URM1: variants seen among roughly 807,000 people sequenced by gnomAD.
The protein encoded by URM1 is ubiquitin-related modifier 1.
In URM1, 11 loss-of-function variants were observed where a neutral mutation model predicts 17.7. The ratio of observed to expected loss-of-function variants is 0.62; its 90% CI spans 0.39 to 1.03. The LOEUF (loss-of-function observed/expected upper bound fraction) is 1.03, where lower values mean the gene tolerates loss of function less well. URM1 is among the 50% of genes least tolerant of loss of function. The probability of loss-of-function intolerance (pLI) is 0.00; values close to 1 mark genes in which losing one functional copy is unlikely to be tolerated. For synonymous variants in URM1, 48 were observed against 50.6 expected, an observed-to-expected ratio of 0.95 and a Z score of 0.22; for missense variants, 128 against 129.2, an observed-to-expected ratio of 0.99 and a Z score of 0.04.
At chr9:128,378,406 G>A (rs1029459835) in intron 2 of URM1, among the ~76,000 whole-genome samples, 11 of 151,838 alleles carry the variant, frequency 7.2e-5, no homozygotes, top group South Asian at 2.1e-4. Flanking sequence ...GCATGGTGGC[G>A]CGTGCATGTA....
At chr9:128,388,071 G>C in intron 3 of URM1, 174 bp downstream of exon 3, 1 of 1,350,324 alleles carries the variant, frequency 7.4e-7, no homozygotes, top group South Asian at 2.0e-5. Flanking sequence ...CCGAACTCTT[G>C]AGGATTTTTT....
intron 1 of URM1, among the ~76,000 whole-genome samples, chr9:128,373,291 C>CT (rs1833036372): frequency 6.6e-6 from 1 of 151,780 alleles, no homozygotes; most frequent in African/African-American, 2.4e-5. Context: ...TTCCTTCTCT[C>CT]TTTGTCCTTG....
intron 3 of URM1, chr9:128,388,586 C>T: frequency 2.0e-6 from 2 of 986,116 alleles, no homozygotes; most frequent in Non-Finnish European, 2.4e-6. Context: ...GGGATCAGCC[C>T]TCCTTCAGGT....
Position 128,386,642 on chromosome 9 carries a change from G to A in URM1, c.107-1174G>A, listed in dbSNP as rs557739073. ...CCCAAGGCTGGGGCCGTGTGTGCGTGCCACACTGTGGGCCCAGACAGGGCA... is the reference window on the plus strand; with the variant it reads ...CCCAAGGCTGGGGCCGTGTGTGCGTACCACACTGTGGGCCCAGACAGGGCA... On this transcript the variant is annotated intron_variant, in intron 2 of 4. Transcript: ENST00000372853. Among the ~76,000 whole-genome samples the A allele has an allele frequency of 3.2e-4, 48 of 152,364 alleles. 3 individuals carry two copies. The highest frequency in any genetic ancestry group is 1.1e-3 in the African/African-American group (46 of 41,594).
At chr9:128,378,250 T>C (rs1301221608) in intron 2 of URM1, 144 bp downstream of exon 2, 1 of 608,002 alleles carries the variant, frequency 1.6e-6, no homozygotes, top group Non-Finnish European at 2.8e-6. Flanking sequence ...AAAACAAGAG[T>C]CTACACGGCT....
In URM1 at chr9:128,389,921, A is replaced by C. The variant is rs931140340; in HGVS notation, c.*187A>C. 1 of 731,858 alleles carries C rather than the reference A, an allele frequency of 1.4e-6. No individual in the cohort carries two copies. Among genetic ancestry groups the C allele is most frequent in the African/African-American group, 1.8e-5 (1 of 56,064 alleles). 45.3% of individuals were successfully genotyped at this position (731,858 alleles called of 1,614,324 possible). ...ATGAGCCTTTCTCAAGCACGTGAGC[A>C]GCGGAAGGCAGACAGGCGCCAGAGC... On this transcript the variant is annotated 3_prime_UTR_variant, in exon 5 of 5. Coordinates refer to ENST00000372853, the MANE Select transcript of URM1 (RefSeq NM_030914.4).
intron 2 of URM1, among the ~76,000 whole-genome samples, chr9:128,378,542 C>CAAAAAAAAAAAAAAA (rs58676800): frequency 4.3e-5 from 1 of 22,996 alleles, no homozygotes; most frequent in African/African-American, 8.7e-5. Context: ...GACTCCATCT[C>CAAAAAAAAAAAAAAA]AAAAAAAAAA....
At chr9:128,376,269 G>A (rs1833075668) in intron 1 of URM1, among the ~76,000 whole-genome samples, 1 of 152,000 alleles carries the variant, frequency 6.6e-6, no homozygotes, top group African/African-American at 2.4e-5. Flanking sequence ...GGCTGATGTG[G>A]GAGGTTTGCT....
chr9:128,389,133 T>G, intron 3 of URM1, 128 bp from the exon 4 acceptor site: 3 of 1,480,426 alleles, frequency 2.0e-6, no homozygotes, highest in Non-Finnish European at 2.7e-6. Context: ...TGGGATATCT[T>G]TAGCCAGACC....
At chr9:128,380,950 A>G (rs937597848) in intron 2 of URM1, among the ~76,000 whole-genome samples, 6 of 152,024 alleles carry the variant, frequency 3.9e-5, no homozygotes, top group Non-Finnish European at 7.4e-5. Context: ...TCAGCCTCCC[A>G]AGTAGCTGGG....
intron 2 of URM1, among the ~76,000 whole-genome samples, chr9:128,383,436 C>CGAA (rs1833185868): frequency 6.6e-6 from 1 of 152,084 alleles, no homozygotes; most frequent in African/African-American, 2.4e-5. Context: ...GTGGGCTCTC[C>CGAA]GAAGAGCCGT....
rs1833012435 is a variant in URM1, at chr9:128,371,514, G to C, written c.35+99G>C. On this transcript the variant is annotated intron_variant, in intron 1 of 4. Coordinates refer to ENST00000372853, the MANE Select transcript of URM1 (RefSeq NM_030914.4). ...GGGGCCTGACACGGCCGAATCACTG[G>C]GTGTCCCAGTGCCCGCTGTGAGCTA... 38 of 1,291,830 alleles carry C rather than the reference G, an allele frequency of 2.9e-5. 1 individual carries two copies. The South Asian group carries it at 4.7e-4, about 16-fold the overall frequency. 80.0% of individuals were successfully genotyped at this position (1,291,830 alleles called of 1,614,324 possible).
Position 128,387,780 on chromosome 9 carries a change from G to C in URM1, c.107-36G>C. 6.2e-7 allele frequency: 1 copy of C among 1,613,574 alleles called. No individual in the cohort carries two copies. Among genetic ancestry groups the C allele is most frequent in the Non-Finnish European group, 8.5e-7 (1 of 1,179,588 alleles). ...CTGGGGGTGGGCAGGTGCTATTTGG[G>C]TTTGACAAGAGTTTGTTCTGTGCAT... On this transcript the variant is annotated intron_variant, in intron 2 of 4. Coordinates refer to ENST00000372853, the MANE Select transcript of URM1 (RefSeq NM_030914.4). The surrounding 1 kb of genome is among the most constrained non-coding windows in gnomAD (Gnocchi z 4.3).
intron 2 of URM1, among the ~76,000 whole-genome samples, chr9:128,380,639 CTTT>C (rs112510172): frequency 1.5e-5 from 2 of 137,646 alleles, no homozygotes; most frequent in Non-Finnish European, 1.6e-5. Context: ...TTTTTCTTTT[CTTT>C]TTTTTTTTTT....
chr9:128,372,401 G>A (rs962748146), intron 1 of URM1, among the ~76,000 whole-genome samples: 1 of 151,998 alleles, frequency 6.6e-6, no homozygotes, highest in Admixed American at 6.6e-5. Context: ...TCTTCTCATT[G>A]GATGCCTCCC....
intron 1 of URM1, among the ~76,000 whole-genome samples, chr9:128,374,151 C>G (rs968782532): frequency 1.3e-5 from 2 of 152,192 alleles, no homozygotes; most frequent in African/African-American, 4.8e-5. Context: ...TGTCTGCCTC[C>G]CTGAATCACT....
At position 128,383,728 on chromosome 9, in the gene URM1, C is replaced by T. The variant is rs2240947; in HGVS notation, c.107-4088C>T. Among the ~76,000 whole-genome samples, 683 of 152,240 alleles carry T rather than the reference C, an allele frequency of 4.5e-3. 18 individuals are homozygous for T. The East Asian group carries it at 0.089, about 20-fold the overall frequency. On this transcript the variant is annotated intron_variant, in intron 2 of 4. Transcript: ENST00000372853. ...AGAGAGGCTGGATGAGGGTCTGTTA[C>T]GCCTGCGAGTCAATATCAGATACGA...
intron 3 of URM1, chr9:128,388,966 C>T (rs1833266213): frequency 1.6e-5 from 20 of 1,237,534 alleles, no homozygotes; most frequent in Non-Finnish European, 1.8e-5. Flanking sequence ...TCACTTATCC[C>T]ATTTTCAGAT....
At chr9:128,376,292 G>A (rs201699740) in intron 1 of URM1, among the ~76,000 whole-genome samples, 3 of 152,108 alleles carry the variant, frequency 2.0e-5, no homozygotes, top group East Asian at 1.9e-4. Context: ...AACCCAGGAG[G>A]TTAAGGTTGT....
Sources: gnomAD v4.1 joint callset for allele counts (sites outside exome capture counted in the v4.1 genomes callset) on GRCh38, gnomAD v4.1.1 for gene constraint, Gnocchi (gnomAD v3.1) non-coding constraint, MANE v1.5 for transcripts, NCBI Gene and HGNC (gene_info 2026-07-23, HGNC 2026-07-21) for gene names.